DAB1: variants seen among roughly 807,000 people sequenced by gnomAD.
DAB1 encodes disabled homolog 1.
A neutral mutation model predicts 64.6 loss-of-function variants in DAB1; 15 were observed. The observed-to-expected ratio is 0.23, with a 90% CI of 0.16 to 0.36. DAB1 has a LOEUF of 0.36. DAB1 is among the 10% of genes least tolerant of loss of function. The pLI, the probability that DAB1 is intolerant of heterozygous loss-of-function variation, is 1.00. For missense variants in DAB1, 596 were observed against 706.7 expected, an observed-to-expected ratio of 0.84 and a Z score of 1.78; for synonymous variants, 235 against 251.9, an observed-to-expected ratio of 0.93 and a Z score of 0.64.
chr1:58,527,829 C>T (rs1248036701), intron 1 of DAB1, among the ~76,000 whole-genome samples: 1 of 152,082 alleles, frequency 6.6e-6, no homozygotes, highest in Non-Finnish European at 1.5e-5. Flanking sequence ...TTTCCTTTTT[C>T]TTTTCTAAGT....
At chr1:58,202,744 C>T (rs1298437663) in intron 4 of DAB1, among the ~76,000 whole-genome samples, 1 of 152,148 alleles carries the variant, frequency 6.6e-6, no homozygotes, top group Non-Finnish European at 1.5e-5. Context: ...AAATCACCTG[C>T]ACTATGGGGT....
At chr1:58,077,341 G>A (rs918370685) in intron 5 of DAB1, among the ~76,000 whole-genome samples, 7 of 152,040 alleles carry the variant, frequency 4.6e-5, no homozygotes, top group African/African-American at 1.4e-4. Flanking sequence ...CCTGCATGGC[G>A]GTTTCACATC....
chr1:58,404,905 T>C (rs1644602344), intron 3 of DAB1, among the ~76,000 whole-genome samples: 1 of 152,202 alleles, frequency 6.6e-6, no homozygotes, highest in Non-Finnish European at 1.5e-5. Context: ...CTTCCCCCAG[T>C]TTCCAAGACC....
chr1:57,571,469 G>A (rs1263598287), intron 7 of DAB1, among the ~76,000 whole-genome samples: 1 of 152,180 alleles, frequency 6.6e-6, no homozygotes, highest in Non-Finnish European at 1.5e-5. Flanking sequence ...CCCAGCAGTT[G>A]AGAAATGGGG....
At chr1:58,237,369 T>C (rs1660089556) in intron 4 of DAB1, among the ~76,000 whole-genome samples, 1 of 152,160 alleles carries the variant, frequency 6.6e-6, no homozygotes, top group Non-Finnish European at 1.5e-5. Context: ...TCCAAGCTGA[T>C]TTTTGACATC....
chr1:57,437,693 C>A (rs988039202), intron 7 of DAB1, among the ~76,000 whole-genome samples: 1 of 152,168 alleles, frequency 6.6e-6, no homozygotes. Flanking sequence ...CCCCAGCCCC[C>A]ACAAGTGCAC....
At chr1:57,027,334 C>A (rs1646823673) in intron 9 of DAB1, among the ~76,000 whole-genome samples, 1 of 152,148 alleles carries the variant, frequency 6.6e-6, no homozygotes, top group African/African-American at 2.4e-5. Context: ...AACCCAAGGG[C>A]ACAACCACCT....
intron 5 of DAB1, among the ~76,000 whole-genome samples, chr1:58,145,306 C>T (rs528656619): frequency 1.2e-4 from 18 of 152,200 alleles, no homozygotes; most frequent in East Asian, 5.8e-4. Context: ...GTGCCTGGCA[C>T]ATTTGGAACT....
chr1:57,043,875 T>G (rs1648122988), intron 9 of DAB1, among the ~76,000 whole-genome samples: 6 of 151,618 alleles, frequency 4.0e-5, no homozygotes, highest in Admixed American at 3.9e-4. Flanking sequence ...AGATGAGGTC[T>G]CTTATTGCAC....
intron 6 of DAB1, among the ~76,000 whole-genome samples, chr1:57,700,635 G>A (rs1431376363): frequency 1.3e-5 from 2 of 152,054 alleles, no homozygotes; most frequent in Non-Finnish European, 2.9e-5. Flanking sequence ...CTCGATCTTT[G>A]AGACTTTTAT....
At chr1:57,246,188 C>T (rs1019445566) in intron 2 of DAB1, among the ~76,000 whole-genome samples, 5 of 152,180 alleles carry the variant, frequency 3.3e-5, no homozygotes, top group South Asian at 4.1e-4. Context: ...CAGAGATCTT[C>T]GCAGCAGCCT....
intron 3 of DAB1, among the ~76,000 whole-genome samples, chr1:58,361,663 G>A (rs1349628660): frequency 6.6e-6 from 1 of 152,102 alleles, no homozygotes; most frequent in Non-Finnish European, 1.5e-5. Flanking sequence ...AATGTGAGGT[G>A]TAAGATCGGA....
At chr1:57,313,916 G>T (rs1012046269) in intron 1 of DAB1, among the ~76,000 whole-genome samples, 2 of 152,150 alleles carry the variant, frequency 1.3e-5, no homozygotes, top group Non-Finnish European at 2.9e-5. Context: ...CAGTGAGAAG[G>T]TGCCATCTAT....
At chr1:58,323,794 G>A (rs1456087022) in intron 4 of DAB1, among the ~76,000 whole-genome samples, 1 of 151,912 alleles carries the variant, frequency 6.6e-6, no homozygotes, top group African/African-American at 2.4e-5. Context: ...GCGTGGCGGT[G>A]GGCGCCTGTA....
chr1:57,478,177 G>A (rs1208674384), intron 7 of DAB1, among the ~76,000 whole-genome samples: 1 of 151,974 alleles, frequency 6.6e-6, no homozygotes, highest in Non-Finnish European at 1.5e-5. Context: ...CAGGGTCTCA[G>A]GGCTGCACTA....
In DAB1 at chr1:58,485,228, T is replaced by TTAAA. The variant is rs533975015; in HGVS notation, n.257+20831_257+20832insTTTA. Among the ~76,000 whole-genome samples the TTAAA allele has an allele frequency of 1.4e-3, 58 of 42,060 alleles. 5 individuals carry two copies. The highest frequency in any genetic ancestry group is 0.014 in the Middle Eastern group (1 of 72). The allele number at this position is 42,060 out of a possible 152,430, so 27.6% of individuals were successfully genotyped here. A position where few individuals can be genotyped will look rare whatever the true frequency, so the allele number is the denominator to read the frequency against. ...GTCTAAAAATAAAAGAGTCTACTACTAAAAAAAAAAAAAAAAAAAAAAAAA... is the reference window on the plus strand; with the variant it reads ...GTCTAAAAATAAAAGAGTCTACTACTTAAAAAAAAAAAAAAAAAAAAAAAAAAAA... On this transcript the variant is annotated intron_variant and non_coding_transcript_variant, in intron 3 of 20. Coordinates refer to the DAB1 transcript ENST00000485760.
chr1:58,062,684 C>T (rs562859205), intron 5 of DAB1, among the ~76,000 whole-genome samples: 2 of 152,280 alleles, frequency 1.3e-5, no homozygotes, highest in East Asian at 1.9e-4. Flanking sequence ...CCTGATGCTC[C>T]GTCAGGTGAG....
intron 6 of DAB1, among the ~76,000 whole-genome samples, chr1:57,737,080 G>A (rs769640019): frequency 6.6e-6 from 1 of 152,192 alleles, no homozygotes; most frequent in Non-Finnish European, 1.5e-5. Flanking sequence ...GTAGCTACCG[G>A]AGAGGGCTTC....
intron 2 of DAB1, among the ~76,000 whole-genome samples, chr1:57,274,638 C>G (rs893405360): frequency 1.3e-5 from 2 of 152,094 alleles, no homozygotes; most frequent in East Asian, 3.9e-4. Flanking sequence ...TGGAGTGCAG[C>G]TGCGCCATCT....
Sources: allele counts gnomAD v4.1 joint callset (sites outside exome capture counted in the v4.1 genomes callset), GRCh38; gene constraint gnomAD v4.1.1; transcripts MANE v1.5; gene names NCBI Gene and HGNC (gene_info 2026-07-23, HGNC 2026-07-21).